PTPRM: variants seen among roughly 807,000 people sequenced by gnomAD.
PTPRM encodes the protein receptor-type tyrosine-protein phosphatase mu.
Under a neutral mutation model 186.7 loss-of-function variants are expected in PTPRM, and 47 were observed. That is an observed-to-expected ratio of 0.25 (90% CI 0.20 to 0.32). The LOEUF is 0.32. Ranked by LOEUF, PTPRM falls within the 10% of genes least tolerant of loss-of-function variation. PTPRM has a pLI of 1.00. For synonymous variants in PTPRM, 668 were observed against 674.9 expected (o/e 0.99, Z 0.16); for missense variants, 1,494 against 1,865.0 (o/e 0.80, Z 3.66).
intron 20 of PTPRM, among the ~76,000 whole-genome samples, chr18:8,303,630 A>G (rs2095186275): frequency 6.6e-6 from 1 of 152,222 alleles, no homozygotes; most frequent in Non-Finnish European, 1.5e-5. Flanking sequence ...AATCCCTGCC[A>G]GGATTCTGAA....
At chr18:7,598,735 G>GT (rs1305945923) in intron 1 of PTPRM, among the ~76,000 whole-genome samples, 3 of 137,848 alleles carry the variant, frequency 2.2e-5, no homozygotes, top group Non-Finnish European at 3.2e-5. Context: ...CTTAGTGTTT[G>GT]TTTTTTGTTG....
chr18:7,936,125 T>TAGAA (rs1403326003), intron 5 of PTPRM, among the ~76,000 whole-genome samples: 3 of 152,094 alleles, frequency 2.0e-5, no homozygotes, highest in African/African-American at 7.2e-5. Flanking sequence ...TGGGAACAGG[T>TAGAA]AGAAGCCCCA....
At chr18:7,997,297 C>G (rs2083595365) in intron 7 of PTPRM, among the ~76,000 whole-genome samples, 1 of 152,086 alleles carries the variant, frequency 6.6e-6, no homozygotes, top group African/African-American at 2.4e-5. Flanking sequence ...AGATGACAGT[C>G]TCTTCAAAAA....
intron 7 of PTPRM, among the ~76,000 whole-genome samples, chr18:7,965,164 G>GC (rs1347187826): frequency 1.3e-5 from 2 of 151,384 alleles, no homozygotes; most frequent in Admixed American, 1.3e-4. Context: ...TTCTGTGTCA[G>GC]CCCCCCAAGT....
intron 31 of PTPRM, among the ~76,000 whole-genome samples, chr18:8,392,110 T>A (rs944068255): frequency 2.6e-5 from 4 of 152,036 alleles, no homozygotes; most frequent in Non-Finnish European, 5.9e-5. Flanking sequence ...GTAAAATAAA[T>A]TTGCAAGACA....
chr18:7,955,271 G>C lies in PTPRM; in HGVS notation c.989G>C (p.Arg330Pro). 1 of 1,614,092 alleles carries C rather than the reference G, an allele frequency of 6.2e-7. No homozygotes were observed. Among genetic ancestry groups the C allele is most frequent in the Non-Finnish European group, 8.5e-7 (1 of 1,180,036 alleles). Residue 330 changes from arginine to proline, a missense_variant, in exon 7 of 33, where the codon CGG (arginine) becomes CCG (proline). Physicochemically the swap from Arg to Pro is moderately radical, Grantham distance 103. Coordinates refer to ENST00000580170, the MANE Select transcript of PTPRM (RefSeq NM_001105244.2). Reference sequence around the variant, plus strand: ...ACGGCCAGTGGGAGCTGGAATGACCGGCAGCCAGTCGATTCCACGAGCTAT... The same window carrying C: ...ACGGCCAGTGGGAGCTGGAATGACCCGCAGCCAGTCGATTCCACGAGCTAT... The part of the protein sequence containing the change: ...YCTASGSWND[R>P]QPVDSTSYKI...
intron 2 of PTPRM, among the ~76,000 whole-genome samples, chr18:7,782,635 T>C (rs1488241138): frequency 1.3e-5 from 2 of 152,210 alleles, no homozygotes; most frequent in Non-Finnish European, 2.9e-5. Context: ...TTCCACTTTC[T>C]GTCTCTATGA....
At chr18:7,974,546 T>G (rs1369040496) in intron 7 of PTPRM, among the ~76,000 whole-genome samples, 1 of 152,242 alleles carries the variant, frequency 6.6e-6, no homozygotes, top group Admixed American at 6.5e-5. Context: ...TGAGGAAATT[T>G]ATTAACTCGC....
chr18:7,977,633 T>C (rs1001512332), intron 7 of PTPRM, among the ~76,000 whole-genome samples: 10 of 152,144 alleles, frequency 6.6e-5, no homozygotes, highest in Non-Finnish European at 1.3e-4. Context: ...GAGATTTGGT[T>C]TTCCTAACTC....
chr18:8,170,738 C>G (rs2093387960), intron 14 of PTPRM, among the ~76,000 whole-genome samples: 1 of 152,156 alleles, frequency 6.6e-6, no homozygotes, highest in Non-Finnish European at 1.5e-5. Flanking sequence ...TTGTCTGGCC[C>G]TGGCATTATT....
At chr18:8,401,235 G>A (rs910510639) in intron 32 of PTPRM, among the ~76,000 whole-genome samples, 1 of 152,210 alleles carries the variant, frequency 6.6e-6, no homozygotes, top group Admixed American at 6.5e-5. Flanking sequence ...GCTGTGCTCA[G>A]CAGGGCCTCA....
At chr18:8,335,429 C>T (rs2095433768) in intron 22 of PTPRM, among the ~76,000 whole-genome samples, 1 of 152,126 alleles carries the variant, frequency 6.6e-6, no homozygotes, top group Admixed American at 6.5e-5. Flanking sequence ...CTTGTGTATC[C>T]CCAAAAGAAG....
intron 1 of PTPRM, among the ~76,000 whole-genome samples, chr18:7,731,740 C>T (rs186308698): frequency 3.3e-5 from 5 of 152,066 alleles, no homozygotes; most frequent in Admixed American, 6.5e-5. Context: ...AACCATGGCA[C>T]GAAATAATAT....
intron 2 of PTPRM, among the ~76,000 whole-genome samples, chr18:7,789,944 C>G (rs991266501): frequency 6.6e-6 from 1 of 152,120 alleles, no homozygotes; most frequent in African/African-American, 2.4e-5. Context: ...AGCTTCTTTT[C>G]TCATTTAATT....
At chr18:7,730,042 C>G (rs2040625805) in intron 1 of PTPRM, among the ~76,000 whole-genome samples, 1 of 152,110 alleles carries the variant, frequency 6.6e-6, no homozygotes, top group Non-Finnish European at 1.5e-5. Context: ...CTCACTGTAA[C>G]ACTGTCCTTG....
intron 11 of PTPRM, among the ~76,000 whole-genome samples, chr18:8,105,364 A>T (rs552470089): frequency 1.1e-4 from 17 of 152,136 alleles, no homozygotes; most frequent in African/African-American, 3.9e-4. Flanking sequence ...ATTTTTATTA[A>T]TGTTGCTTCT....
intron 9 of PTPRM, among the ~76,000 whole-genome samples, chr18:8,080,630 A>C (rs2090075866): frequency 6.6e-6 from 1 of 152,162 alleles, no homozygotes; most frequent in South Asian, 2.1e-4. Context: ...TAATATCCTT[A>C]GCCTGGATAA....
intron 31 of PTPRM, 64 bp downstream of exon 31, chr18:8,387,299 A>G (rs2095781940): frequency 2.0e-6 from 3 of 1,476,160 alleles, no homozygotes; most frequent in Non-Finnish European, 2.8e-6. Context: ...CTCACCTCCT[A>G]GTTCTCTGAC....
intron 7 of PTPRM, among the ~76,000 whole-genome samples, chr18:7,975,789 A>G (rs2095740921): frequency 6.6e-6 from 1 of 152,234 alleles, no homozygotes; most frequent in Non-Finnish European, 1.5e-5. Flanking sequence ...CTCTCCGTGT[A>G]TAGTAAGCTA....
Sources: gnomAD v4.1 joint callset for allele counts (sites outside exome capture counted in the v4.1 genomes callset) on GRCh38, gnomAD v4.1.1 for gene constraint, MANE v1.5 for transcripts, NCBI Gene and HGNC (gene_info 2026-07-23, HGNC 2026-07-21) for gene names.